Variants in KYAT3 observed in about 807,000 individuals in gnomAD.
KYAT3 encodes the protein kynurenine--oxoglutarate transaminase 3.
Under a neutral mutation model 59.0 loss-of-function variants are expected in KYAT3, and 50 were observed. The ratio of observed to expected loss-of-function variants is 0.85; its 90% confidence interval spans 0.68 to 1.07. KYAT3 has a LOEUF of 1.07. Among genes scored for constraint, KYAT3 ranks in the 50% least tolerant of loss-of-function variants. The pLI, the probability that KYAT3 is intolerant of heterozygous loss-of-function variation, is 0.00. For missense variants in KYAT3, 497 were observed against 533.3 expected, an observed-to-expected ratio of 0.93 and a Z score of 0.67; for synonymous variants, 148 against 177.0, an observed-to-expected ratio of 0.84 and a Z score of 1.30.
chr1:88,977,997 A>G (rs755790707), intron 2 of KYAT3, among the ~76,000 whole-genome samples: 13 of 152,080 alleles, frequency 8.5e-5, no homozygotes, highest in Non-Finnish European at 1.5e-4. Context: ...GTGTAAGTGC[A>G]CTCTATGATC....
chr1:88,957,421 A>C (rs1345179919), intron 8 of KYAT3, among the ~76,000 whole-genome samples: 1 of 152,190 alleles, frequency 6.6e-6, no homozygotes, highest in South Asian at 2.1e-4. Context: ...AAAGTAAAGG[A>C]TACATCATAT....
chr1:88,950,911 C>T (rs1463826343), intron 10 of KYAT3, among the ~76,000 whole-genome samples: 1 of 152,226 alleles, frequency 6.6e-6, no homozygotes, highest in Non-Finnish European at 1.5e-5. Context: ...GGACTCCCAG[C>T]TACCTCTCTG....
chr1:88,978,041 A>G (rs551029929), intron 2 of KYAT3, among the ~76,000 whole-genome samples: 3 of 151,990 alleles, frequency 2.0e-5, no homozygotes, highest in African/African-American at 7.2e-5. Flanking sequence ...GTGAAGCATA[A>G]CTCTATTGTA....
the KYAT3 span, among the ~76,000 whole-genome samples, chr1:88,922,223 C>G: frequency 6.6e-6 from 1 of 151,898 alleles, no homozygotes; most frequent in Admixed American, 6.6e-5. Flanking sequence ...CCCTCTCTCT[C>G]TAAAAAAAAG....
At chr1:88,987,537 C>G (rs1677536067) in intron 2 of KYAT3, among the ~76,000 whole-genome samples, 1 of 152,006 alleles carries the variant, frequency 6.6e-6, no homozygotes, top group African/African-American at 2.4e-5. Flanking sequence ...CTTCATATGC[C>G]AAAAATGGAA....
chr1:88,973,962 T>A (rs998210714), intron 2 of KYAT3, among the ~76,000 whole-genome samples: 1 of 152,154 alleles, frequency 6.6e-6, no homozygotes, highest in East Asian at 1.9e-4. Flanking sequence ...AGGCTGTGGA[T>A]ATCTGTGTAG....
downstream of KYAT3, among the ~76,000 whole-genome samples, chr1:88,932,132 T>C (rs944825954): frequency 6.6e-6 from 1 of 152,208 alleles, no homozygotes; most frequent in Non-Finnish European, 1.5e-5. Context: ...CACTTGATTC[T>C]AGTATTACAG....
rs1676138688 is a variant in KYAT3 at position 88,961,369 on chromosome 1, A to G, written c.666+12T>C. 6.2e-7 allele frequency: 1 copy of G among 1,613,802 alleles called. No individual in the cohort carries two copies. Among genetic ancestry groups the G allele is most frequent in the African/African-American group, 1.3e-5 (1 of 75,052 alleles). On this transcript the variant is annotated intron_variant, in intron 7 of 13. Coordinates refer to ENST00000260508, the MANE Select transcript of KYAT3 (RefSeq NM_001008661.3). ...GGTCAGAAGACTGTATAAGGAGATGAGACTTGCTTACCTTGCCAAGTGGGT... is the reference window on the plus strand; with the variant it reads ...GGTCAGAAGACTGTATAAGGAGATGGGACTTGCTTACCTTGCCAAGTGGGT...
chr1:88,967,952 T>C (rs1570809194), intron 4 of KYAT3, among the ~76,000 whole-genome samples: 1 of 152,040 alleles, frequency 6.6e-6, no homozygotes, highest in Non-Finnish European at 1.5e-5. Context: ...GTCTGTAGGG[T>C]GGGCCAGGGA....
chr1:88,956,146 G>A (rs1340817752), intron 8 of KYAT3, among the ~76,000 whole-genome samples: 1 of 152,118 alleles, frequency 6.6e-6, no homozygotes, highest in Admixed American at 6.5e-5. Context: ...AGGAATACTA[G>A]ACAGCACTTC....
chr1:88,941,710 TA>T (rs1320236988), intron 13 of KYAT3, among the ~76,000 whole-genome samples: 1 of 152,124 alleles, frequency 6.6e-6, no homozygotes, highest in African/African-American at 2.4e-5. Flanking sequence ...CCTGGCTAAT[TA>T]AAAATATTTT....
chr1:88,924,747 C>G, the KYAT3 span, among the ~76,000 whole-genome samples: 1 of 152,162 alleles, frequency 6.6e-6, no homozygotes, highest in East Asian at 1.9e-4. Flanking sequence ...AGTGAGGCAC[C>G]CATTGCTGCT....
rs149140105 is a variant in KYAT3, at chr1:88,982,724, C to T, written c.99+5528G>A. 1.1e-5 allele frequency: 17 copies of T among 1,613,900 alleles called. No individual in the cohort carries two copies. Among genetic ancestry groups the T allele is most frequent in the African/African-American group, 4.0e-5 (3 of 75,004 alleles). On this transcript the variant is annotated intron_variant, in intron 2 of 13. Coordinates refer to ENST00000260508, the MANE Select transcript of KYAT3 (RefSeq NM_001008661.3). ...AGGGCCAGCACCTCTTGGTGCTCCG[C>T]GGCTTGAACTGCTGTAGGAATCACG...
At chr1:88,928,792 C>G in the KYAT3 span, among the ~76,000 whole-genome samples, 6 of 152,250 alleles carry the variant, frequency 3.9e-5, no homozygotes, top group African/African-American at 1.4e-4. Context: ...CTGTCCCGGA[C>G]AACTGTCCTC....
chr1:88,936,166 A>G lies in KYAT3; in HGVS notation c.*17T>C. 6.4e-7 allele frequency: 1 copy of G among 1,573,164 alleles called. No individual in the cohort carries two copies. Among genetic ancestry groups the G allele is most frequent in the Non-Finnish European group, 8.7e-7 (1 of 1,146,750 alleles). ...TACTAGGTCATCTAACAGAAACATT[A>G]ATCCATTCTGCACAAATCAAGACTT... On this transcript the variant is annotated 3_prime_UTR_variant, in exon 14 of 14. Coordinates refer to ENST00000260508, the MANE Select transcript of KYAT3 (RefSeq NM_001008661.3).
At chr1:88,961,351 A>C (rs761763373) in intron 7 of KYAT3, 30 bp downstream of exon 7, 2 of 1,613,748 alleles carry the variant, frequency 1.2e-6, no homozygotes, top group Non-Finnish European at 8.5e-7. Flanking sequence ...ATAGGTCAGA[A>C]GACTGTATAA....
intron 2 of KYAT3, chr1:88,980,247 C>T (rs1434798293): frequency 6.6e-6 from 1 of 152,570 alleles, no homozygotes; most frequent in Non-Finnish European, 1.5e-5. Flanking sequence ...ATGGCATATA[C>T]ATCTGTCAAA....
chr1:88,977,277 T>C (rs1172360541), intron 2 of KYAT3, among the ~76,000 whole-genome samples: 2 of 150,354 alleles, frequency 1.3e-5, no homozygotes, highest in African/African-American at 4.9e-5. Context: ...TCTTGGCTCA[T>C]TGCAACCTCC....
At chr1:88,934,625 T>G (rs1209979673), downstream of KYAT3, among the ~76,000 whole-genome samples, 1 of 152,204 alleles carries the variant, frequency 6.6e-6, no homozygotes, top group Non-Finnish European at 1.5e-5. Flanking sequence ...ACCCCAGGGT[T>G]GAGTTCTTTC....
Sources: gnomAD v4.1 joint callset for allele counts (sites outside exome capture counted in the v4.1 genomes callset) on GRCh38, gnomAD v4.1.1 for gene constraint, MANE v1.5 for transcripts, NCBI Gene and HGNC (gene_info 2026-07-23, HGNC 2026-07-21) for gene names.